Variants in DNAH7 observed in about 807,000 individuals in gnomAD.
DNAH7 encodes dynein axonemal heavy chain 7, also known as axonemal beta dynein heavy chain 7.
In DNAH7, 397 loss-of-function variants were observed where a neutral mutation model predicts 444.6. The observed-to-expected ratio is 0.89, with a 90% CI of 0.82 to 0.97. The LOEUF (loss-of-function observed/expected upper bound fraction) is 0.97. Among genes scored for constraint, DNAH7 ranks in the 50% least tolerant of loss-of-function variants. DNAH7 has a pLI of 0.00. For synonymous variants in DNAH7, 1,636 were observed against 1,624.4 expected (o/e 1.01, Z -0.17); for missense variants, 4,902 against 4,800.8 (o/e 1.02, Z -0.62).
chr2:195,987,973 T>C lies in DNAH7; in HGVS notation c.1610A>G (p.Gln537Arg). The part of the protein sequence containing the change: ...CKYQKLIEEI[Q>R]YTSIKTIRLG... ...GTCATTTACCTTTATGGATGTGTAC[T>C]GTATTTCCTCTATTAGTTTCTGGTA... Residue 537 changes from glutamine to arginine, a missense_variant, in exon 13 of 65, where the codon CAG (glutamine) becomes CGG (arginine). Gln to Arg is a conservative substitution (Grantham distance 43). Coordinates refer to ENST00000312428, the MANE Select transcript of DNAH7 (RefSeq NM_018897.3). 5 of 1,610,530 alleles carry C rather than the reference T, an allele frequency of 3.1e-6. No individual in the cohort carries two copies. The highest frequency in any genetic ancestry group is 4.2e-6 in the Non-Finnish European group (5 of 1,178,196).
chr2:195,761,561 A>G (rs1263476897), intron 61 of DNAH7, among the ~76,000 whole-genome samples: 3 of 152,146 alleles, frequency 2.0e-5, no homozygotes, highest in Non-Finnish European at 2.9e-5. Flanking sequence ...AAGGTAGTAA[A>G]ATAAAGAAAG....
rs1349934759 is a variant in DNAH7 at position 195,888,452 on chromosome 2, G to A, written c.5230-18C>T. The A allele has an allele frequency of 3.2e-6, 5 of 1,574,152 alleles. No individual in the cohort carries two copies. The highest frequency in any genetic ancestry group is 2.1e-5 in the Admixed American group (1 of 47,598). ...CTGGAAACCTGGAAAGCCATAATTG[G>A]TTACCATCAAGGTAATAATGCTTAT... is the stretch of plus-strand genomic sequence containing the variant. On this transcript the variant is annotated intron_variant, in intron 32 of 64. Coordinates refer to ENST00000312428, the MANE Select transcript of DNAH7 (RefSeq NM_018897.3).
At chr2:196,059,676 T>C (rs1158251119) in intron 1 of DNAH7, among the ~76,000 whole-genome samples, 1 of 152,188 alleles carries the variant, frequency 6.6e-6, no homozygotes, top group African/African-American at 2.4e-5. Context: ...AGCATCCCTG[T>C]GGGCAGCTTT....
rs1385780148 is a variant in DNAH7 at position 195,872,378 on chromosome 2, G to A, written c.6505C>T (p.Pro2169Ser). 16 of 1,613,694 alleles carry A rather than the reference G, an allele frequency of 9.9e-6. No individual in the cohort carries two copies. Among genetic ancestry groups the A allele is most frequent in the African/African-American group, 1.3e-5 (1 of 74,890 alleles). ...AAGTAGTGAGATTTAGCTGGAGTAG[G>A]CAAGAGATTCTTCATTGCTTCTTTA... ...LYKEAMKNLL[P>S]TPAKSHYLFN... Residue 2169 changes from proline to serine, a missense_variant, in exon 40 of 65, where the codon CCT becomes TCT. Pro to Ser is a moderately conservative substitution (Grantham distance 74). Transcript: ENST00000312428.
At chr2:195,941,307 C>T (rs941414616) in intron 19 of DNAH7, among the ~76,000 whole-genome samples, 1 of 151,552 alleles carries the variant, frequency 6.6e-6, no homozygotes, top group Non-Finnish European at 1.5e-5. Context: ...CACTCATAAA[C>T]GGGAGTTGAA....
chr2:195,744,995 G>A (rs1693304250), intron 63 of DNAH7, among the ~76,000 whole-genome samples: 1 of 152,248 alleles, frequency 6.6e-6, no homozygotes, highest in Non-Finnish European at 1.5e-5. Flanking sequence ...ACGGAACAGA[G>A]CTGGACGGAG....
intron 47 of DNAH7, among the ~76,000 whole-genome samples, chr2:195,840,771 A>G (rs1698636003): frequency 6.6e-6 from 1 of 151,708 alleles, no homozygotes; most frequent in Admixed American, 6.6e-5. Context: ...TCTAACCACA[A>G]AACACTGATG....
chr2:195,811,705 T>C (rs1010046346), intron 51 of DNAH7, among the ~76,000 whole-genome samples: 1 of 152,138 alleles, frequency 6.6e-6, no homozygotes, highest in African/African-American at 2.4e-5. Flanking sequence ...ATGTATATTG[T>C]GCAACTCCTA....
chr2:195,774,792 T>A (rs761796780), intron 60 of DNAH7, among the ~76,000 whole-genome samples: 1 of 152,216 alleles, frequency 6.6e-6, no homozygotes, highest in African/African-American at 2.4e-5. Context: ...GTAAGCACTA[T>A]ACAAAAGTAT....
chr2:195,967,975 C>G (rs956575419), intron 17 of DNAH7, among the ~76,000 whole-genome samples: 2 of 152,224 alleles, frequency 1.3e-5, no homozygotes, highest in Admixed American at 1.3e-4. Flanking sequence ...AGTGGAAGAG[C>G]CTCTCCTGCT....
chr2:196,014,864 T>C (rs1346721829), intron 9 of DNAH7, among the ~76,000 whole-genome samples: 4 of 152,152 alleles, frequency 2.6e-5, no homozygotes, highest in Non-Finnish European at 5.9e-5. Flanking sequence ...TCACTGAATA[T>C]CTTCTCCTGG....
intron 63 of DNAH7, among the ~76,000 whole-genome samples, chr2:195,743,373 A>G (rs890261463): frequency 3.3e-5 from 5 of 152,218 alleles, no homozygotes; most frequent in African/African-American, 1.2e-4. Flanking sequence ...CATATATCCT[A>G]TTAGTTCTGT....
intron 19 of DNAH7, among the ~76,000 whole-genome samples, chr2:195,950,150 ATTC>A (rs1690121991): frequency 6.6e-6 from 1 of 152,046 alleles, no homozygotes; most frequent in South Asian, 2.1e-4. Context: ...CTCTTTTTCT[ATTC>A]TTTGGAACAG....
intron 36 of DNAH7, among the ~76,000 whole-genome samples, chr2:195,880,417 C>A (rs180891632): frequency 5.3e-5 from 8 of 151,906 alleles, no homozygotes; most frequent in African/African-American, 1.9e-4. Context: ...CAAGCTCCAC[C>A]TCCTGGGTTC....
chr2:195,771,997 A>C (rs1395959278), intron 60 of DNAH7, 107 bp from the exon 61 acceptor site: 2 of 913,152 alleles, frequency 2.2e-6, no homozygotes, highest in East Asian at 4.9e-5. Context: ...ATTGCTCTCT[A>C]TTTTATCCAT....
chr2:195,947,275 G>A lies in DNAH7; in HGVS notation c.3078+9986C>T, dbSNP rs191363572. 5.5e-4 allele frequency among the ~76,000 whole-genome samples: 84 copies of A among 151,782 alleles called. 1 individual carries two copies. Among genetic ancestry groups the A allele is most frequent in the Admixed American group, 4.5e-3 (68 of 15,230 alleles). On this transcript the variant is annotated intron_variant, in intron 19 of 64. Coordinates refer to ENST00000312428, the MANE Select transcript of DNAH7 (RefSeq NM_018897.3). ...CCTCCCAAAGTGCTGGATCACAGGC[G>A]TGAGCCACATGTCTTATTTTTTTAA...
At chr2:195,804,053 G>T (rs137949725) in intron 54 of DNAH7, among the ~76,000 whole-genome samples, 7 of 98,932 alleles carry the variant, frequency 7.1e-5, no homozygotes, top group African/African-American at 1.4e-4. Flanking sequence ...TGAGGGGAGA[G>T]GGGGGGAAGG....
intron 63 of DNAH7, among the ~76,000 whole-genome samples, chr2:195,748,993 A>G (rs1693613814): frequency 6.6e-6 from 1 of 152,162 alleles, no homozygotes; most frequent in South Asian, 2.1e-4. Flanking sequence ...ATGGGATCTA[A>G]TTAAACTAAA....
chr2:195,873,617 A>C lies in DNAH7; in HGVS notation c.6364T>G (p.Ser2122Ala). ...ATTCTAGAGAAGATTGTATACATGG[A>C]TTTATCACTAAACTCATTGATTGTT... ...IITINEFSDK[S>A]MYTIFSRILT... Residue 2122 changes from serine (S) to alanine (A), a missense_variant, in exon 39 of 65, where the codon TCC (serine) becomes GCC (alanine). Physicochemically the swap from Ser to Ala is moderately conservative, Grantham distance 99. Transcript: ENST00000312428. 2.7e-6 allele frequency: 4 copies of C among 1,508,854 alleles called. No individual in the cohort carries two copies. The highest frequency in any genetic ancestry group is 3.6e-6 in the Non-Finnish European group (4 of 1,126,388). 93.5% of individuals were successfully genotyped at this position (1,508,854 alleles called of 1,614,324 possible).
Sources: gnomAD v4.1 joint callset for allele counts (sites outside exome capture counted in the v4.1 genomes callset) on GRCh38, gnomAD v4.1.1 for gene constraint, MANE v1.5 for transcripts, NCBI Gene and HGNC (gene_info 2026-07-23, HGNC 2026-07-21) for gene names.